The following GPC4 variants were observed in gnomAD, a reference collection of about 807,000 sequenced individuals.
The protein encoded by GPC4 is glypican 4.
GPC4 carries 10 observed loss-of-function variants against 35.0 expected under a neutral mutation model. The ratio of observed to expected loss-of-function variants is 0.29; its 90% confidence interval spans 0.18 to 0.48. The LOEUF is 0.48. Ranked by LOEUF, GPC4 falls within the 20% of genes least tolerant of loss-of-function variation. GPC4 has a pLI of 0.99. For missense variants in GPC4, 322 were observed against 451.3 expected (o/e 0.71, Z 2.60); for synonymous variants, 167 against 170.2 (o/e 0.98, Z 0.15).
chrX:133,344,191 G>GTTTTTTTTTTTTTTTTTTTTTTT (rs747976050), intron 1 of GPC4, among the ~76,000 whole-genome samples: 5 of 38,891 alleles, frequency 1.3e-4, no homozygotes, highest in Middle Eastern at 0.013. Flanking sequence ...TTTCTTTCTG[G>GTTTTTTTTTTTTTTTTTTTTTTT]TTTTTTTTTT....
intron 1 of GPC4, among the ~76,000 whole-genome samples, chrX:133,347,053 T>C (rs1034667374): frequency 1.8e-5 from 2 of 110,544 alleles, no homozygotes; most frequent in Non-Finnish European, 3.8e-5. Context: ...AATAAGACAG[T>C]TACCAAAAAA....
In GPC4 at chrX:133,358,895, C is replaced by T. The variant is rs141658949; in HGVS notation, c.161-19554G>A. 3.2e-3 allele frequency among the ~76,000 whole-genome samples: 359 copies of T among 110,550 alleles called. 3 individuals carry two copies. The highest frequency in any genetic ancestry group is 0.011 in the African/African-American group (339 of 30,348). ...TCTTACATTTGTGTGTGAAGATTCACAGACATGAATGAAAAAAAAAATCAT... is the reference window on the plus strand; with the variant it reads ...TCTTACATTTGTGTGTGAAGATTCATAGACATGAATGAAAAAAAAAATCAT... On this transcript the variant is annotated intron_variant, in intron 1 of 8. Coordinates refer to ENST00000370828, the MANE Select transcript of GPC4 (RefSeq NM_001448.3).
intron 1 of GPC4, among the ~76,000 whole-genome samples, chrX:133,413,808 C>G (rs773253513): frequency 2.1e-4 from 24 of 111,996 alleles, no homozygotes; most frequent in Non-Finnish European, 3.9e-4. Flanking sequence ...GGGACCCGGC[C>G]GGACACCGCC....
At position 133,415,440 on chromosome X, in the gene GPC4, T is replaced by G; in HGVS notation, c.-475A>C. 1 of 115,320 alleles carries G rather than the reference T, an allele frequency of 8.7e-6. No individual in the cohort carries two copies. The highest frequency in any genetic ancestry group is 1.8e-5 in the Non-Finnish European group (1 of 55,225). The allele number at this position is 115,320 out of a possible 1,213,427, so 9.5% of individuals were successfully genotyped here. The stretch of plus-strand genomic sequence containing the variant: ...CGGCTGGACTCGGCTCGGCTGACTC[T>G]GCCCTCCGCCGCGCGGCTGTGCCCT... On this transcript the variant is annotated 5_prime_UTR_variant, in exon 1 of 9. Transcript: ENST00000370828.
At chrX:133,371,896 C>T (rs1322298047) in intron 1 of GPC4, among the ~76,000 whole-genome samples, 1 of 111,015 alleles carries the variant, frequency 9.0e-6, no homozygotes, top group East Asian at 2.8e-4. Context: ...GCTCCTATCC[C>T]AAACACAAGC....
intron 1 of GPC4, among the ~76,000 whole-genome samples, chrX:133,407,175 A>G (rs1400295953): frequency 1.8e-5 from 2 of 111,169 alleles, no homozygotes; most frequent in Non-Finnish European, 3.8e-5. Context: ...TTTCATTGGT[A>G]TGGGGTGGTA....
At chrX:133,316,470 C>T in intron 3 of GPC4, among the ~76,000 whole-genome samples, 1 of 111,342 alleles carries the variant, frequency 9.0e-6, no homozygotes. Context: ...CTAATCCTTT[C>T]ACCAGAGCTC....
At chrX:133,401,344 G>C (rs1423297556) in intron 1 of GPC4, among the ~76,000 whole-genome samples, 2 of 111,671 alleles carry the variant, frequency 1.8e-5, no homozygotes, top group Non-Finnish European at 3.8e-5. Flanking sequence ...GCCAGAGCCA[G>C]AGAGCTAGAG....
chrX:133,340,674 A>AT (rs2068462905), intron 1 of GPC4, among the ~76,000 whole-genome samples: 2 of 112,445 alleles, frequency 1.8e-5, no homozygotes, highest in Non-Finnish European at 3.8e-5. Context: ...CCTAATGGAG[A>AT]TATCAAAGCA....
chrX:133,317,648 T>A (rs752248789), intron 3 of GPC4, among the ~76,000 whole-genome samples: 3 of 111,959 alleles, frequency 2.7e-5, no homozygotes, highest in South Asian at 3.7e-4. Context: ...ATACATTCAT[T>A]GCACTATTTT....
At chrX:133,305,645 T>C (rs2068287142) in intron 6 of GPC4, 127 bp downstream of exon 6, 2 of 871,590 alleles carry the variant, frequency 2.3e-6, no homozygotes, top group Non-Finnish European at 3.3e-6. Flanking sequence ...GACATCCACA[T>C]CCTATTTGCT....
intron 1 of GPC4, among the ~76,000 whole-genome samples, chrX:133,413,664 G>A (rs1455896626): frequency 1.8e-5 from 2 of 109,059 alleles, no homozygotes; most frequent in African/African-American, 6.7e-5. Context: ...TCACTCCTCC[G>A]TTAGATTACG....
At chrX:133,357,963 T>C (rs2068549730) in intron 1 of GPC4, among the ~76,000 whole-genome samples, 1 of 111,887 alleles carries the variant, frequency 8.9e-6, no homozygotes, top group East Asian at 2.8e-4. Context: ...GTTTCTATTG[T>C]TATCATTACT....
At chrX:133,368,400 C>T (rs1729904192) in intron 1 of GPC4, among the ~76,000 whole-genome samples, 1 of 111,497 alleles carries the variant, frequency 9.0e-6, no homozygotes, top group Non-Finnish European at 1.9e-5. Context: ...GGACTCCAAA[C>T]ATCCACGGTG....
intron 1 of GPC4, among the ~76,000 whole-genome samples, chrX:133,341,667 A>G (rs183197817): frequency 2.1e-3 from 239 of 111,230 alleles, no homozygotes; most frequent in Non-Finnish European, 3.2e-3. Flanking sequence ...CCCTGCCCCC[A>G]GTGTACATGG....
chrX:133,411,294 T>C (rs1024552789), intron 1 of GPC4, among the ~76,000 whole-genome samples: 1 of 112,120 alleles, frequency 8.9e-6, no homozygotes, highest in Non-Finnish European at 1.9e-5. Flanking sequence ...GAAGAGGACC[T>C]TTGGCAAGTT....
At chrX:133,401,591 T>C (rs2068768000) in intron 1 of GPC4, among the ~76,000 whole-genome samples, 1 of 112,221 alleles carries the variant, frequency 8.9e-6, no homozygotes, top group Admixed American at 9.5e-5. Flanking sequence ...AAGGTTGTTA[T>C]TTCATCATTT....
intron 2 of GPC4, among the ~76,000 whole-genome samples, chrX:133,336,158 A>T (rs1032184163): frequency 2.7e-5 from 3 of 111,818 alleles, no homozygotes; most frequent in Non-Finnish European, 5.6e-5. Context: ...GAGTCAAGAC[A>T]TATCCTATAG....
intron 1 of GPC4, among the ~76,000 whole-genome samples, chrX:133,346,486 AG>A (rs1382458127): frequency 9.0e-6 from 1 of 111,618 alleles, no homozygotes; most frequent in East Asian, 2.8e-4. Context: ...AGGGATTCAA[AG>A]GGCCATCAAA....
Sources: gnomAD v4.1 joint callset for allele counts (sites outside exome capture counted in the v4.1 genomes callset) on GRCh38, gnomAD v4.1.1 for gene constraint, MANE v1.5 for transcripts, NCBI Gene and HGNC (gene_info 2026-07-23, HGNC 2026-07-21) for gene names.